Variants in ATRX observed in about 807,000 individuals in gnomAD.
The protein encoded by ATRX is chromatin remodeler ATRX.
In ATRX, 12 loss-of-function variants were observed where a neutral mutation model predicts 172.6. That is an observed-to-expected ratio of 0.07 (90% CI 0.04 to 0.11). ATRX has a LOEUF of 0.11. Among genes scored for constraint, ATRX ranks in the 10% least tolerant of loss-of-function variants. The pLI is 1.00. For synonymous variants in ATRX, 674 were observed against 594.7 expected, an observed-to-expected ratio of 1.13 and a Z score of -1.94; for missense variants, 1,368 against 1,767.4, an observed-to-expected ratio of 0.77 and a Z score of 4.05.
intron 27 of ATRX, among the ~76,000 whole-genome samples, chrX:77,580,429 T>C: frequency 8.9e-6 from 1 of 111,820 alleles, no homozygotes; most frequent in Non-Finnish European, 1.9e-5. Flanking sequence ...AAGAAACAAG[T>C]AACATACAAT....
chrX:77,597,357 C>A (rs961532836), intron 25 of ATRX, among the ~76,000 whole-genome samples: 2 of 109,789 alleles, frequency 1.8e-5, no homozygotes, highest in African/African-American at 6.6e-5. Context: ...GAATTTATGA[C>A]TAATTCCTCA....
Position 77,504,902 on chromosome X carries a change from T to C in ATRX, c.*3449A>G, listed in dbSNP as rs2062683364. 6.8e-6 allele frequency: 1 copy of C among 147,748 alleles called. No homozygotes were observed. Among genetic ancestry groups the C allele is most frequent in the Non-Finnish European group, 1.3e-5 (1 of 75,143 alleles). 12.2% of individuals were successfully genotyped at this position (147,748 alleles called of 1,213,427 possible). ...ATATATTTCGGATTTAAAACTTTAT[T>C]CACCCCATATAATAGTATATATAAA... On this transcript the variant is annotated 3_prime_UTR_variant, in exon 35 of 35. Transcript: ENST00000373344.
chrX:77,533,298 T>C (rs1169698716), intron 30 of ATRX, among the ~76,000 whole-genome samples: 3 of 112,278 alleles, frequency 2.7e-5, no homozygotes, highest in Non-Finnish European at 3.8e-5. Flanking sequence ...GGAATAGAAA[T>C]CATTCTATTA....
chrX:77,593,626 A>G lies in ATRX; in HGVS notation c.6110+70T>C. 3.8e-6 allele frequency: 4 copies of G among 1,059,170 alleles called. No individual in the cohort carries two copies. In the South Asian group the frequency reaches 7.9e-5, roughly 21 times the overall value. The allele number at this position is 1,059,170 out of a possible 1,213,427, so 87.3% of individuals were successfully genotyped here. ...AAGGAAAAGCAACAGATTTGTTCAA[A>G]TACATTGTTTAAGCAATAAAAACAT... On this transcript the variant is annotated intron_variant, in intron 26 of 34. Transcript: ENST00000373344.
chrX:77,528,405 G>A (rs1557044840), intron 30 of ATRX, among the ~76,000 whole-genome samples: 2 of 111,286 alleles, frequency 1.8e-5, no homozygotes, highest in East Asian at 5.7e-4. Flanking sequence ...GAAGCAACCA[G>A]ACTGCTTCAT....
chrX:77,681,222 G>A (rs2071168689), intron 9 of ATRX, among the ~76,000 whole-genome samples: 2 of 111,567 alleles, frequency 1.8e-5, no homozygotes, highest in Admixed American at 1.9e-4. Flanking sequence ...GCACCAGTCC[G>A]CTTTTCCTTC....
chrX:77,712,626 A>G (rs2073168315), intron 2 of ATRX, among the ~76,000 whole-genome samples: 1 of 109,807 alleles, frequency 9.1e-6, no homozygotes, highest in African/African-American at 3.3e-5. Flanking sequence ...GGAGTTCCAG[A>G]CCAGCCTGCC....
At chrX:77,571,397 T>C (rs1446465523) in intron 28 of ATRX, among the ~76,000 whole-genome samples, 3 of 112,020 alleles carry the variant, frequency 2.7e-5, no homozygotes. Context: ...TATTGATACA[T>C]GTGACAACTT....
intron 4 of ATRX, among the ~76,000 whole-genome samples, chrX:77,697,363 C>T (rs782538353): frequency 1.3e-4 from 14 of 111,335 alleles, no homozygotes; most frequent in African/African-American, 4.2e-4. Flanking sequence ...CTTAAAAACC[C>T]TTTAGAATTC....
At position 77,683,190 on chromosome X, in the gene ATRX, T is replaced by C. The variant is rs929951326; in HGVS notation, c.2066A>G (p.Gln689Arg). The C allele has an allele frequency of 3.3e-6, 4 of 1,207,829 alleles. No individual in the cohort carries two copies. The highest frequency in any genetic ancestry group is 4.4e-5 in the Admixed American group (2 of 45,736). The change falls in exon 9 of 35, where the codon CAA (glutamine) becomes CGA (arginine). Residue 689 changes from glutamine to arginine, a missense_variant. Gln to Arg is a conservative substitution (Grantham distance 43, BLOSUM62 1). Coordinates refer to ENST00000373344, the MANE Select transcript of ATRX (RefSeq NM_000489.6). The part of the protein sequence containing the change: ...EECNETVKEK[Q>R]KLSVPVRKKD... Reference sequence around the variant, plus strand: ...TTTTCTCACTGGAACTGATAGTTTTTGTTTCTCCTTAACTGTTTCATTACA... The same window carrying C: ...TTTTCTCACTGGAACTGATAGTTTTCGTTTCTCCTTAACTGTTTCATTACA...
intron 27 of ATRX, among the ~76,000 whole-genome samples, chrX:77,575,245 T>TA (rs1227640952): frequency 1.8e-5 from 2 of 110,153 alleles, no homozygotes; most frequent in African/African-American, 6.6e-5. Context: ...GTACATTAGT[T>TA]AAAAAAAAGA....
At chrX:77,601,529 A>C (rs1210388767) in intron 22 of ATRX, among the ~76,000 whole-genome samples, 1 of 110,463 alleles carries the variant, frequency 9.1e-6, no homozygotes, top group Non-Finnish European at 1.9e-5. Flanking sequence ...GATGTATAAA[A>C]TGTAAATATT....
chrX:77,778,937 C>CT (rs1379269178), intron 1 of ATRX, among the ~76,000 whole-genome samples: 6 of 106,989 alleles, frequency 5.6e-5, no homozygotes, highest in Middle Eastern at 4.9e-3. Context: ...TCTCTTTTTT[C>CT]TTTTTTTTGA....
chrX:77,741,051 C>G (rs1412106707), intron 1 of ATRX, among the ~76,000 whole-genome samples: 1 of 108,987 alleles, frequency 9.2e-6, no homozygotes, highest in African/African-American at 3.3e-5. Context: ...CACACACACA[C>G]ACACACACAC....
At chrX:77,720,598 C>T (rs1461561056) in intron 1 of ATRX, among the ~76,000 whole-genome samples, 1 of 111,721 alleles carries the variant, frequency 9.0e-6, no homozygotes, top group Non-Finnish European at 1.9e-5. Flanking sequence ...AATGCCTGGA[C>T]ACATACACCC....
chrX:77,762,720 A>T (rs1160594243), intron 1 of ATRX, among the ~76,000 whole-genome samples: 1 of 111,523 alleles, frequency 9.0e-6, no homozygotes, highest in Non-Finnish European at 1.9e-5. Context: ...ATAAAACAAG[A>T]AGAGTAAAAA....
intron 1 of ATRX, among the ~76,000 whole-genome samples, chrX:77,778,376 C>T (rs2076430655): frequency 1.9e-5 from 2 of 105,881 alleles, no homozygotes; most frequent in Non-Finnish European, 3.9e-5. Context: ...GATCACCCCA[C>T]TGCACTCCAG....
intron 1 of ATRX, among the ~76,000 whole-genome samples, chrX:77,734,788 C>T (rs1302161404): frequency 9.2e-6 from 1 of 108,176 alleles, no homozygotes; most frequent in Non-Finnish European, 1.9e-5. Context: ...GAGACTCACT[C>T]TCAAAAAAAT....
chrX:77,709,922 T>C (rs1485517355), intron 2 of ATRX, among the ~76,000 whole-genome samples: 4 of 112,308 alleles, frequency 3.6e-5, no homozygotes, highest in African/African-American at 1.3e-4. Flanking sequence ...AACGTATATA[T>C]AAATATTCAC....
Sources: allele counts gnomAD v4.1 joint callset (sites outside exome capture counted in the v4.1 genomes callset), GRCh38; gene constraint gnomAD v4.1.1; transcripts MANE v1.5; gene names NCBI Gene and HGNC (gene_info 2026-07-23, HGNC 2026-07-21).